The following KIF4B variants were observed in gnomAD, a reference collection of about 807,000 sequenced individuals.
KIF4B encodes chromosome-associated kinesin KIF4B.
In KIF4B, 60 loss-of-function variants were observed where a neutral mutation model predicts 69.0. The ratio of observed to expected loss-of-function variants is 0.87; its 90% CI spans 0.71 to 1.08. The LOEUF (loss-of-function observed/expected upper bound fraction) is 1.08. Among genes scored for constraint, KIF4B ranks in the 50% least tolerant of loss-of-function variants. The pLI is 0.00. For synonymous variants in KIF4B, 489 were observed against 533.0 expected (o/e 0.92, Z 1.14); for missense variants, 1,357 against 1,451.9 (o/e 0.93, Z 1.06).
At position 155,017,974 on chromosome 5, in the gene KIF4B, T is replaced by A. The variant is rs1218064328; in HGVS notation, c.*410T>A. 1 of 196,728 alleles carries A rather than the reference T, an allele frequency of 5.1e-6. No individual in the cohort carries two copies. Among genetic ancestry groups the A allele is most frequent in the Non-Finnish European group, 1.2e-5 (1 of 86,050 alleles). The allele number at this position is 196,728 out of a possible 1,614,324, so 12.2% of individuals were successfully genotyped here. On this transcript the variant is annotated 3_prime_UTR_variant, in exon 1 of 1. Coordinates refer to ENST00000435029, the MANE Select transcript of KIF4B (RefSeq NM_001099293.3). ...GCCTAGGATGGAGGTCTGGCTCAGA[T>A]CTTTCACTCCACCTCGGGAATGGGG...
In KIF4B at chr5:155,017,117, A is replaced by G. The variant is rs1198344155; in HGVS notation, c.3258A>G (p.Gln1086=). 1 of 1,614,170 alleles carries G rather than the reference A, an allele frequency of 6.2e-7. No homozygotes were observed. The highest frequency in any genetic ancestry group is 8.5e-7 in the Non-Finnish European group (1 of 1,180,022). ...KLVKVSRKNI[Q]GCSCKGWCGN... The stretch of plus-strand genomic sequence containing the variant: ...TCAAGGTGTCCAGGAAGAACATCCA[A>G]GGGTGTTCCTGCAAGGGCTGGTGTG... The change falls in exon 1 of 1, where the codon CAA becomes CAG. Residue 1086 remains glutamine, a synonymous_variant. Transcript: ENST00000435029.
rs1277139256 is a variant in KIF4B at position 155,016,493 on chromosome 5, A to C, written c.2634A>C (p.Lys878Asn). ...TGATTGGAGAGCTGGTCTCCTCCAA[A>C]ATACATGTCACCAAACTTGAAAACA... ...KYLIGELVSS[K>N]IHVTKLENSL... The change falls in exon 1 of 1, where the codon AAA (lysine) becomes AAC (asparagine). Residue 878 changes from lysine to asparagine, a missense_variant. Coordinates refer to ENST00000435029, the MANE Select transcript of KIF4B (RefSeq NM_001099293.3). 1 of 1,614,120 alleles carries C rather than the reference A, an allele frequency of 6.2e-7. No homozygotes were observed. Among genetic ancestry groups the C allele is most frequent in the Admixed American group, 1.7e-5 (1 of 60,014 alleles).
rs78358050 is a variant in KIF4B, at chr5:155,017,224, G to T, written c.3365G>T (p.Arg1122Leu). Reference sequence around the variant, plus strand: ...TGTGACCCCACAAAGTGTCGGAACCGCCAGCAAGGCAAGGATAGCTTGGGC... The same window carrying T: ...TGTGACCCCACAAAGTGTCGGAACCTCCAGCAAGGCAAGGATAGCTTGGGC... The part of the protein sequence containing the change: ...CSCDPTKCRN[R>L]QQGKDSLGTV... The change falls in exon 1 of 1, where the codon CGC (arginine) becomes CTC (leucine). Residue 1122 changes from arginine to leucine, a missense_variant. Arg to Leu is a moderately radical substitution (Grantham distance 102). Coordinates refer to ENST00000435029, the MANE Select transcript of KIF4B (RefSeq NM_001099293.3). 6.2e-7 allele frequency: 1 copy of T among 1,614,074 alleles called. No individual in the cohort carries two copies. Among genetic ancestry groups the T allele is most frequent in the South Asian group, 1.1e-5 (1 of 91,088 alleles).
chr5:155,014,364 G>A lies in KIF4B; in HGVS notation c.505G>A (p.Glu169Lys), dbSNP rs1233434641. Residue 169 changes from glutamate (E) to lysine (K), a missense_variant, in exon 1 of 1, where the codon GAA becomes AAA. Glu to Lys is a moderately conservative substitution (Grantham distance 56, BLOSUM62 1). Transcript: ENST00000435029. ...AQINIREDPK[E>K]GIKIVGLTEK... The stretch of plus-strand genomic sequence containing the variant: ...AATAAATATACGGGAGGATCCTAAG[G>A]AAGGCATAAAGATTGTGGGACTCAC... 1 of 1,614,200 alleles carries A rather than the reference G, an allele frequency of 6.2e-7. No homozygotes were observed. Among genetic ancestry groups the A allele is most frequent in the Non-Finnish European group, 8.5e-7 (1 of 1,180,042 alleles).
At position 155,014,466 on chromosome 5, in the gene KIF4B, A is replaced by G. The variant is rs780267858; in HGVS notation, c.607A>G (p.Thr203Ala). Residue 203 changes from threonine (T) to alanine (A), a missense_variant, in exon 1 of 1, where the codon ACA becomes GCA. Coordinates refer to ENST00000435029, the MANE Select transcript of KIF4B (RefSeq NM_001099293.3). ...QGNNSRTVAS[T>A]AMNSQSSRSH... ...CAACAACTCTAGGACTGTGGCCTCCACAGCTATGAACTCCCAGTCGTCCCG... is the reference window on the plus strand; with the variant it reads ...CAACAACTCTAGGACTGTGGCCTCCGCAGCTATGAACTCCCAGTCGTCCCG... 11 of 1,614,148 alleles carry G rather than the reference A, an allele frequency of 6.8e-6. No individual in the cohort carries two copies. The highest frequency in any genetic ancestry group is 8.5e-6 in the Non-Finnish European group (10 of 1,180,014).
rs759193969 is a variant in KIF4B at position 155,015,583 on chromosome 5, A to G, written c.1724A>G (p.Lys575Arg). The G allele has an allele frequency of 1.9e-6, 3 of 1,614,252 alleles. No homozygotes were observed. In the South Asian group the frequency reaches 3.3e-5, roughly 18 times the overall value. The change falls in exon 1 of 1, where the codon AAG (lysine) becomes AGG (arginine). Residue 575 changes from lysine to arginine, a missense_variant. Physicochemically the swap from Lys to Arg is conservative, Grantham distance 26 (BLOSUM62 2). Coordinates refer to ENST00000435029, the MANE Select transcript of KIF4B (RefSeq NM_001099293.3). Reference sequence around the variant, plus strand: ...GAAGTCATCAATCTGCAAAAGGAAAAGGAAGAATTGGTTCGTGAACTTCAG... The same window carrying G: ...GAAGTCATCAATCTGCAAAAGGAAAGGGAAGAATTGGTTCGTGAACTTCAG... Reference protein sequence around the residue: ...ELEVINLQKEKEELVRELQTA... With the variant: ...ELEVINLQKEREELVRELQTA...
rs1765340866 is a variant in KIF4B, at chr5:155,016,881, A to G, written c.3022A>G (p.Asn1008Asp). The change falls in exon 1 of 1, where the codon AAT becomes GAT. Residue 1008 changes from asparagine to aspartate, a missense_variant. Physicochemically the swap from Asn to Asp is conservative, Grantham distance 23. Transcript: ENST00000435029. ...AGCCAGCAGACAGAAACATCTTCCT[A>G]ATGATACCCTTCTATCTCCAGACTC... ...QVASRQKHLP[N>D]DTLLSPDSSF... The G allele has an allele frequency of 6.2e-7, 1 of 1,614,202 alleles. No homozygotes were observed. The highest frequency in any genetic ancestry group is 8.5e-7 in the Non-Finnish European group (1 of 1,180,036).
Position 155,014,197 on chromosome 5 carries a change from G to T in KIF4B, c.338G>T (p.Gly113Val), listed in dbSNP as rs748555160. 1.2e-6 allele frequency: 2 copies of T among 1,614,210 alleles called. No individual in the cohort carries two copies. The highest frequency in any genetic ancestry group is 1.7e-6 in the Non-Finnish European group (2 of 1,180,038). ...TAEQENEPTV[G>V]IIPRVIQLLF... is the part of the protein sequence containing the mutation. ...GAGCAGGAGAATGAACCAACAGTTG[G>T]CATTATTCCTAGGGTAATACAACTG... The change falls in exon 1 of 1, where the codon GGC becomes GTC. Residue 113 changes from glycine to valine, a missense_variant. Transcript: ENST00000435029.
In KIF4B at chr5:155,017,489, G is replaced by T. The variant is rs1765350908; in HGVS notation, c.3630G>T (p.Lys1210Asn). Residue 1210 changes from lysine to asparagine, a missense_variant, in exon 1 of 1, where the codon AAG (lysine) becomes AAT (asparagine). Transcript: ENST00000435029. ...ACCAACAAAATAAGCCTCCAGGGAA[G>T]AAAAAGAAACGAGCTCTGGCTAGCA... is the stretch of plus-strand genomic sequence containing the variant. ...TEYQQNKPPGKKKKRALASNT... is the reference protein window; with the variant it reads ...TEYQQNKPPGNKKKRALASNT... 6.2e-7 allele frequency: 1 copy of T among 1,613,982 alleles called. No homozygotes were observed. The highest frequency in any genetic ancestry group is 1.3e-5 in the African/African-American group (1 of 74,932).
At position 155,014,983 on chromosome 5, in the gene KIF4B, G is replaced by A. The variant is rs200454857; in HGVS notation, c.1124G>A (p.Gly375Glu). 1 of 1,614,182 alleles carries A rather than the reference G, an allele frequency of 6.2e-7. No homozygotes were observed. The highest frequency in any genetic ancestry group is 8.5e-7 in the Non-Finnish European group (1 of 1,180,030). ...CAAGCCCATGGAGGTACCCTGCCTG[G>A]ATCTATAAATGCAGAACCATCAGAG... ...LLQAHGGTLP[G>E]SINAEPSENL... The change falls in exon 1 of 1, where the codon GGA (glycine) becomes GAA (glutamate). Residue 375 changes from glycine (G) to glutamate (E), a missense_variant. Physicochemically the swap from Gly to Glu is moderately conservative, Grantham distance 98. Transcript: ENST00000435029.
In KIF4B at chr5:155,015,388, C is replaced by T. The variant is rs1053563508; in HGVS notation, c.1529C>T (p.Ala510Val). 1.2e-6 allele frequency: 2 copies of T among 1,614,064 alleles called. No homozygotes were observed. The highest frequency in any genetic ancestry group is 2.7e-5 in the African/African-American group (2 of 74,920). The part of the protein sequence containing the change: ...TSPETSRSSD[A>V]FTTQHALHQA... ...CCAGAGACAAGCAGGTCTTCTGACG[C>T]TTTTACCACTCAGCATGCTCTCCAT... The change falls in exon 1 of 1, where the codon GCT (alanine) becomes GTT (valine). Residue 510 changes from alanine to valine, a missense_variant. Physicochemically the swap from Ala to Val is moderately conservative, Grantham distance 64 (BLOSUM62 0). Transcript: ENST00000435029.
rs1765309553 is a variant in KIF4B at position 155,015,440 on chromosome 5, T to C, written c.1581T>C (p.Val527=). ...AAGCTCAGATGTCTAAGGAGGTGGT[T>C]GAGTTGAATAACGCCCTTGCACTGA... ...LHQAQMSKEV[V]ELNNALALKE... The change falls in exon 1 of 1, where the codon GTT becomes GTC. Residue 527 remains valine (V), a synonymous_variant. Transcript: ENST00000435029. 1 of 1,614,038 alleles carries C rather than the reference T, an allele frequency of 6.2e-7. No individual in the cohort carries two copies.
Position 155,016,426 on chromosome 5 carries a change from A to G in KIF4B, c.2567A>G (p.Asn856Ser), listed in dbSNP as rs749908234. The G allele has an allele frequency of 6.2e-7, 1 of 1,614,234 alleles. No homozygotes were observed. The highest frequency in any genetic ancestry group is 8.5e-7 in the Non-Finnish European group (1 of 1,180,050). The stretch of plus-strand genomic sequence containing the variant: ...GATAGGCCAAAACAATGCTGGGAGA[A>G]TATTGCCACCATTCTGGAAGCCAAG... ...SEDRPKQCWE[N>S]IATILEAKCA... The change falls in exon 1 of 1, where the codon AAT becomes AGT. Residue 856 changes from asparagine to serine, a missense_variant. Transcript: ENST00000435029.
rs1242878556 is a variant in KIF4B, at chr5:155,015,584, G to T, written c.1725G>T (p.Lys575Asn). The T allele has an allele frequency of 1.9e-6, 3 of 1,614,228 alleles. No individual in the cohort carries two copies. The Admixed American group carries it at 5.0e-5, about 27-fold the overall frequency. The change falls in exon 1 of 1, where the codon AAG (lysine) becomes AAT (asparagine). Residue 575 changes from lysine (K) to asparagine (N), a missense_variant. By Grantham distance (94) the Lys-to-Asn change is moderately conservative (BLOSUM62 0). Transcript: ENST00000435029. ...ELEVINLQKE[K>N]EELVRELQTA... Reference sequence around the variant, plus strand: ...AAGTCATCAATCTGCAAAAGGAAAAGGAAGAATTGGTTCGTGAACTTCAGA... The same window carrying T: ...AAGTCATCAATCTGCAAAAGGAAAATGAAGAATTGGTTCGTGAACTTCAGA...
Position 155,017,051 on chromosome 5 carries a change from T to C in KIF4B, c.3192T>C (p.Ser1064=). Reference sequence around the variant, plus strand: ...AAGATGGTGATGGTGATGGCGACAGTGATGAGGGGGATGATGAGGAATGGA... The same window carrying C: ...AAGATGGTGATGGTGATGGCGACAGCGATGAGGGGGATGATGAGGAATGGA... ...EHEDGDGDGD[S]DEGDDEEWKP... is the part of the protein sequence containing the mutation. The change falls in exon 1 of 1, where the codon AGT becomes AGC. Residue 1064 remains serine, a synonymous_variant. Transcript: ENST00000435029. 1 of 1,614,014 alleles carries C rather than the reference T, an allele frequency of 6.2e-7. No individual in the cohort carries two copies. The highest frequency in any genetic ancestry group is 8.5e-7 in the Non-Finnish European group (1 of 1,179,992).
Position 155,015,780 on chromosome 5 carries a change from T to C in KIF4B, c.1921T>C (p.Trp641Arg), listed in dbSNP as rs776193614. The C allele has an allele frequency of 6.8e-6, 11 of 1,613,876 alleles. No homozygotes were observed. Among genetic ancestry groups the C allele is most frequent in the Non-Finnish European group, 8.5e-6 (10 of 1,180,008 alleles). The change falls in exon 1 of 1, where the codon TGG (tryptophan) becomes CGG (arginine). Residue 641 changes from tryptophan to arginine, a missense_variant. By Grantham distance (101) the Trp-to-Arg change is moderately radical. Transcript: ENST00000435029. ...TGTCTCCAAGCTGAACCAAGAGATA[T>C]GGATGATGAAAAACCAGCGGGTACA... ...RTVSKLNQEI[W>R]MMKNQRVQLM... is the part of the protein sequence containing the mutation.
At position 155,017,379 on chromosome 5, in the gene KIF4B, G is replaced by A; in HGVS notation, c.3520G>A (p.Asp1174Asn). The A allele has an allele frequency of 6.2e-7, 1 of 1,614,184 alleles. No homozygotes were observed. The highest frequency in any genetic ancestry group is 1.1e-5 in the South Asian group (1 of 91,066). ...PNSKILKEMC[D>N]MEQVLSKKTA... ...TAGCAAGATCCTGAAAGAGATGTGT[G>A]ACATGGAGCAGGTGCTGTCAAAGAA... The change falls in exon 1 of 1, where the codon GAC (aspartate) becomes AAC (asparagine). Residue 1174 changes from aspartate to asparagine, a missense_variant. Physicochemically the swap from Asp to Asn is conservative, Grantham distance 23. Transcript: ENST00000435029.
In KIF4B at chr5:155,016,315, A is replaced by G. The variant is rs1202094916; in HGVS notation, c.2456A>G (p.Gln819Arg). 5.6e-6 allele frequency: 9 copies of G among 1,614,136 alleles called. No individual in the cohort carries two copies. Among genetic ancestry groups the G allele is most frequent in the Non-Finnish European group, 7.6e-6 (9 of 1,180,060 alleles). ...GAGTCAGAAGATTGTATTACAAAACAGATTGAAAGCCTAGAGACTGAAATG... is the reference window on the plus strand; with the variant it reads ...GAGTCAGAAGATTGTATTACAAAACGGATTGAAAGCCTAGAGACTGAAATG... Reference protein sequence around the residue: ...VLESEDCITKQIESLETEMEL... With the variant: ...VLESEDCITKRIESLETEMEL... Residue 819 changes from glutamine to arginine, a missense_variant, in exon 1 of 1, where the codon CAG becomes CGG. By Grantham distance (43) the Gln-to-Arg change is conservative (BLOSUM62 1). Coordinates refer to ENST00000435029, the MANE Select transcript of KIF4B (RefSeq NM_001099293.3).
chr5:155,016,204 A>G lies in KIF4B; in HGVS notation c.2345A>G (p.Lys782Arg). ...KILAQDVVQL[K>R]EKKESRENPP... ...CTGGCTCAGGATGTGGTTCAACTCA[A>G]AGAAAAAAAGGAATCTCGGGAGAAT... is the stretch of plus-strand genomic sequence containing the variant. The change falls in exon 1 of 1, where the codon AAA (lysine) becomes AGA (arginine). Residue 782 changes from lysine (K) to arginine (R), a missense_variant. By Grantham distance (26) the Lys-to-Arg change is conservative (BLOSUM62 2). Coordinates refer to ENST00000435029, the MANE Select transcript of KIF4B (RefSeq NM_001099293.3). 1.2e-6 allele frequency: 2 copies of G among 1,614,208 alleles called. No homozygotes were observed. The highest frequency in any genetic ancestry group is 2.7e-5 in the African/African-American group (2 of 75,050).
Sources: allele counts gnomAD v4.1 joint callset, GRCh38; gene constraint gnomAD v4.1.1; transcripts MANE v1.5; gene names NCBI Gene and HGNC (gene_info 2026-07-23, HGNC 2026-07-21).